The following FKBP15 variants were observed in gnomAD, a reference collection of about 807,000 sequenced individuals.
FKBP15 encodes FK506-binding protein 15.
FKBP15 carries 106 observed loss-of-function variants against 158.1 expected under a neutral mutation model. That is an observed-to-expected ratio of 0.67 (90% CI 0.57 to 0.79). FKBP15 has a LOEUF of 0.79. Among genes scored for constraint, FKBP15 ranks in the 30% least tolerant of loss-of-function variants. FKBP15 has a pLI of 0.00. For synonymous variants in FKBP15, 547 were observed against 548.6 expected (o/e 1.00, Z 0.04); for missense variants, 1,287 against 1,479.1 (o/e 0.87, Z 2.13).
chr9:113,161,454 G>T lies in FKBP15; in HGVS notation c.*4624C>A. On this transcript the variant is annotated 3_prime_UTR_variant, in exon 28 of 28. Coordinates refer to ENST00000238256, the MANE Select transcript of FKBP15 (RefSeq NM_015258.2). ...ATTCCATGAACAGGTGGAGGTGCTG[G>T]AAGGGAAACAGTGCTGGCCTGGCCA... 2 of 1,531,914 alleles carry T rather than the reference G, an allele frequency of 1.3e-6. No homozygotes were observed. The highest frequency in any genetic ancestry group is 2.3e-5 in the South Asian group (2 of 88,042). 94.9% of individuals were successfully genotyped at this position (1,531,914 alleles called of 1,614,324 possible).
intron 1 of FKBP15, among the ~76,000 whole-genome samples, chr9:113,218,333 G>A (rs116500276): frequency 0.037 from 5,224 of 140,070 alleles, 135 homozygotes; most frequent in African/African-American, 0.061. Flanking sequence ...TTTGTAAAAC[G>A]GATATAATAA....
chr9:113,202,911 T>C (rs1384948684), intron 5 of FKBP15, 50 bp downstream of exon 5: 4 of 1,431,512 alleles, frequency 2.8e-6, no homozygotes, highest in Non-Finnish European at 3.9e-6. Flanking sequence ...CAGTCTCTCC[T>C]GTAAACCTAT....
Position 113,169,627 on chromosome 9 carries a change from C to T in FKBP15, c.3082G>A (p.Glu1028Lys), listed in dbSNP as rs768441449. The change falls in exon 26 of 28, where the codon GAA becomes AAA. Residue 1028 changes from glutamate to lysine, a missense_variant. Physicochemically the swap from Glu to Lys is moderately conservative, Grantham distance 56. Transcript: ENST00000238256. ...CTGTGGGATGGGATGCAAGACAGTT[C>T]GGGTGGAAGGGAACCATCTTTTATC... ...SEIKDGSLPPELSCIPSHRVL... is the reference protein window; with the variant it reads ...SEIKDGSLPPKLSCIPSHRVL... The T allele has an allele frequency of 3.7e-5, 60 of 1,613,830 alleles. No individual in the cohort carries two copies. The East Asian group carries it at 4.2e-4, about 11-fold the overall frequency.
intron 20 of FKBP15, among the ~76,000 whole-genome samples, chr9:113,177,949 T>C (rs1463778021): frequency 6.6e-6 from 1 of 152,126 alleles, no homozygotes; most frequent in Non-Finnish European, 1.5e-5. Flanking sequence ...TATCAAACTG[T>C]GATAAGGGTT....
At chr9:113,205,745 T>C (rs1219898506) in intron 4 of FKBP15, among the ~76,000 whole-genome samples, 1 of 152,072 alleles carries the variant, frequency 6.6e-6, no homozygotes, top group Non-Finnish European at 1.5e-5. Context: ...CTATTCCCAA[T>C]AGACAAAAGG....
At chr9:113,215,644 A>ATTTTTTTTT (rs1285341545) in intron 1 of FKBP15, among the ~76,000 whole-genome samples, 21 of 61,584 alleles carry the variant, frequency 3.4e-4, no homozygotes, top group Admixed American at 5.2e-4. Flanking sequence ...ATATATATAT[A>ATTTTTTTTT]TTTTTTTTTT....
At position 113,196,987 on chromosome 9, in the gene FKBP15, A is replaced by G; in HGVS notation, c.809T>C (p.Ile270Thr). 2 of 1,613,976 alleles carry G rather than the reference A, an allele frequency of 1.2e-6. No individual in the cohort carries two copies. Among genetic ancestry groups the G allele is most frequent in the South Asian group, 2.2e-5 (2 of 91,076 alleles). The change falls in exon 9 of 28, where the codon ATA becomes ACA. Residue 270 changes from isoleucine (I) to threonine (T), a missense_variant. Physicochemically the swap from Ile to Thr is moderately conservative, Grantham distance 89 (BLOSUM62 -1). Transcript: ENST00000238256. ...CGAGTCCGTTGCTTGAGTCCAGCCT[A>G]TTACCCCTTCTGAGCCAACAGCACA... ...PACAVGSEGV[I>T]GWTQATDSIL... is the part of the protein sequence containing the mutation.
intron 9 of FKBP15, among the ~76,000 whole-genome samples, chr9:113,196,367 G>A (rs1362644660): frequency 7.0e-6 from 1 of 142,722 alleles, no homozygotes; most frequent in African/African-American, 2.6e-5. Context: ...AAAAATCTTA[G>A]TGTGAAGAAG....
intron 8 of FKBP15, among the ~76,000 whole-genome samples, chr9:113,197,571 A>G (rs1830711416): frequency 6.6e-6 from 1 of 152,198 alleles, no homozygotes. Context: ...CGGGAGGCTG[A>G]GGCAGGAGAA....
intron 11 of FKBP15, among the ~76,000 whole-genome samples, chr9:113,190,950 C>T (rs147490622): frequency 8.0e-4 from 122 of 152,184 alleles, no homozygotes; most frequent in Admixed American, 4.0e-3. Context: ...TGAAGCAATT[C>T]GGTAGATAAT....
At chr9:113,214,857 C>T (rs956929565) in intron 1 of FKBP15, among the ~76,000 whole-genome samples, 11 of 152,258 alleles carry the variant, frequency 7.2e-5, no homozygotes, top group African/African-American at 2.7e-4. Context: ...CTTGCTCCTT[C>T]ATCTAGCACT....
At chr9:113,182,711 C>T in intron 19 of FKBP15, 55 bp downstream of exon 19, 2 of 1,415,686 alleles carry the variant, frequency 1.4e-6, no homozygotes, top group South Asian at 2.3e-5. Context: ...TACATGGGAC[C>T]ATTCCTTAGC....
At position 113,161,484 on chromosome 9, in the gene FKBP15, T is replaced by C. The variant is rs759345979; in HGVS notation, c.*4594A>G. 1.2e-6 allele frequency: 2 copies of C among 1,612,230 alleles called. No individual in the cohort carries two copies. The highest frequency in any genetic ancestry group is 2.2e-5 in the South Asian group (2 of 90,892). On this transcript the variant is annotated 3_prime_UTR_variant, in exon 28 of 28. Transcript: ENST00000238256. ...GAAACAGTGCTGGCCTGGCCAGGTCTCCACAACTCTGCCTCCTTTGACAGG... is the reference window on the plus strand; with the variant it reads ...GAAACAGTGCTGGCCTGGCCAGGTCCCCACAACTCTGCCTCCTTTGACAGG...
chr9:113,220,608 A>G (rs1176533418), intron 1 of FKBP15, among the ~76,000 whole-genome samples: 1 of 152,238 alleles, frequency 6.6e-6, no homozygotes, highest in Non-Finnish European at 1.5e-5. Flanking sequence ...TGCTAGACAG[A>G]AATGAACACC....
At position 113,161,719 on chromosome 9, in the gene FKBP15, A is replaced by T; in HGVS notation, c.*4359T>A. On this transcript the variant is annotated 3_prime_UTR_variant, in exon 28 of 28. Transcript: ENST00000238256. Reference sequence around the variant, plus strand: ...CACAGGTACAGGCAGTGGGTATGGGAAAGGGGCAGAAGCCTCACATTCACC... The same window carrying T: ...CACAGGTACAGGCAGTGGGTATGGGTAAGGGGCAGAAGCCTCACATTCACC... 5.6e-6 allele frequency: 9 copies of T among 1,611,964 alleles called. No homozygotes were observed. Among genetic ancestry groups the T allele is most frequent in the Non-Finnish European group, 7.6e-6 (9 of 1,178,548 alleles).
At chr9:113,199,409 A>G (rs1587968354) in intron 7 of FKBP15, among the ~76,000 whole-genome samples, 1 of 152,242 alleles carries the variant, frequency 6.6e-6, no homozygotes. Context: ...TAAGGGCTCA[A>G]TAATATTAAA....
chr9:113,174,318 A>G (rs1830265084), intron 22 of FKBP15, 110 bp downstream of exon 22: 5 of 1,150,168 alleles, frequency 4.3e-6, no homozygotes, highest in Non-Finnish European at 6.0e-6. Context: ...AAGTGAGAGT[A>G]TCAGCTATGA....
chr9:113,165,572 C>CTT lies in FKBP15; in HGVS notation c.*504_*505dup, dbSNP rs923322959. Reference sequence around the variant, plus strand: ...GTTTTATTTTCAAAGTCATTGACCTCTTGTATCAGATTTAAGGCAAAGAAG... The same window carrying CTT: ...GTTTTATTTTCAAAGTCATTGACCTCTTTTGTATCAGATTTAAGGCAAAGAAG... On this transcript the variant is annotated 3_prime_UTR_variant, in exon 28 of 28. Transcript: ENST00000238256. The CTT allele has an allele frequency of 6.6e-6, 1 of 152,358 alleles. No homozygotes were observed. Among genetic ancestry groups the CTT allele is most frequent in the African/African-American group, 2.4e-5 (1 of 41,444 alleles). The allele number at this position is 152,358 out of a possible 1,614,324, so 9.4% of individuals were successfully genotyped here. A position where few individuals can be genotyped will look rare whatever the true frequency, so the allele number is the denominator to read the frequency against.
chr9:113,192,189 T>C (rs868204432), intron 11 of FKBP15, among the ~76,000 whole-genome samples: 3 of 152,256 alleles, frequency 2.0e-5, no homozygotes, highest in Middle Eastern at 3.4e-3. Flanking sequence ...GAGATAATAA[T>C]TATTCTTAAA....
Sources: allele counts gnomAD v4.1 joint callset (sites outside exome capture counted in the v4.1 genomes callset), GRCh38; gene constraint gnomAD v4.1.1; transcripts MANE v1.5; gene names NCBI Gene and HGNC (gene_info 2026-07-23, HGNC 2026-07-21).